The following SPATA6 variants were observed in gnomAD, a reference collection of about 807,000 sequenced individuals.
The protein encoded by SPATA6 is spermatogenesis-associated protein 6.
A neutral mutation model predicts 65.3 loss-of-function variants in SPATA6; 56 were observed. The observed-to-expected ratio is 0.86, with a 90% CI of 0.69 to 1.07. The LOEUF is 1.07. Ranked by LOEUF, SPATA6 falls within the 50% of genes least tolerant of loss-of-function variation. SPATA6 has a pLI of 0.00. For missense variants in SPATA6, 590 were observed against 594.8 expected, an observed-to-expected ratio of 0.99 and a Z score of 0.08; for synonymous variants, 199 against 213.2, an observed-to-expected ratio of 0.93 and a Z score of 0.58.
the SPATA6 span, among the ~76,000 whole-genome samples, chr1:48,279,216 A>G: frequency 6.6e-6 from 1 of 152,240 alleles, no homozygotes; most frequent in Non-Finnish European, 1.5e-5. Flanking sequence ...GGTATCAGCC[A>G]CTGCAAAAAC....
the SPATA6 span, among the ~76,000 whole-genome samples, chr1:48,277,249 G>A: frequency 2.8e-3 from 424 of 152,228 alleles, no homozygotes; most frequent in African/African-American, 8.6e-3. Context: ...CAGCGTGAGC[G>A]ATGCAGAAGA....
chr1:48,455,970 G>A (rs1018805600), intron 1 of SPATA6, among the ~76,000 whole-genome samples: 23 of 152,164 alleles, frequency 1.5e-4, no homozygotes, highest in Non-Finnish European at 2.2e-4. Context: ...TACCTAGCAA[G>A]GTGGTTGACT....
chr1:48,361,987 G>A (rs1646827525), intron 9 of SPATA6, among the ~76,000 whole-genome samples: 1 of 151,948 alleles, frequency 6.6e-6, no homozygotes, highest in African/African-American at 2.4e-5. Flanking sequence ...GATCAAGACT[G>A]AAGAAAAAAA....
intron 1 of SPATA6, among the ~76,000 whole-genome samples, chr1:48,467,537 A>G (rs1341968695): frequency 6.6e-6 from 1 of 152,158 alleles, no homozygotes; most frequent in Non-Finnish European, 1.5e-5. Flanking sequence ...GTATTATCCA[A>G]TAATAACCAT....
chr1:48,380,098 C>T (rs955311369), intron 9 of SPATA6, among the ~76,000 whole-genome samples: 6 of 152,274 alleles, frequency 3.9e-5, no homozygotes, highest in African/African-American at 9.6e-5. Flanking sequence ...GTGAGAATCT[C>T]GGGAAAGAAT....
intron 12 of SPATA6, among the ~76,000 whole-genome samples, chr1:48,300,364 T>A (rs1034794664): frequency 6.6e-6 from 1 of 152,070 alleles, no homozygotes; most frequent in African/African-American, 2.4e-5. Context: ...CAAACCAAGA[T>A]TATACTATGA....
At chr1:48,418,780 G>A (rs1405185474) in intron 3 of SPATA6, among the ~76,000 whole-genome samples, 3 of 130,116 alleles carry the variant, frequency 2.3e-5, no homozygotes, top group African/African-American at 7.9e-5. Flanking sequence ...AGGGAAGGAA[G>A]GAAGAAGGGA....
At chr1:48,398,013 T>C (rs1430966726) in intron 7 of SPATA6, among the ~76,000 whole-genome samples, 1 of 151,684 alleles carries the variant, frequency 6.6e-6, no homozygotes, top group African/African-American at 2.4e-5. Context: ...AATGTTACTA[T>C]TCCTTCAGAT....
At chr1:48,403,631 T>A (rs1318925750) in intron 6 of SPATA6, among the ~76,000 whole-genome samples, 171 bp downstream of exon 6, 1 of 152,150 alleles carries the variant, frequency 6.6e-6, no homozygotes, top group Non-Finnish European at 1.5e-5. Context: ...ATTCTCACAT[T>A]TACTAACATG....
chr1:48,368,868 G>A (rs938231790), intron 9 of SPATA6, among the ~76,000 whole-genome samples: 16 of 152,174 alleles, frequency 1.1e-4, no homozygotes, highest in African/African-American at 1.7e-4. Flanking sequence ...AAGGAGAGGC[G>A]TGCTGTTTTT....
Position 48,305,866 on chromosome 1 carries a change from G to C in SPATA6, c.1207C>G (p.Leu403Val). 3 of 1,611,304 alleles carry C rather than the reference G, an allele frequency of 1.9e-6. No homozygotes were observed. The highest frequency in any genetic ancestry group is 2.5e-6 in the Non-Finnish European group (3 of 1,178,520). Residue 403 changes from leucine (L) to valine (V), a missense_variant, in exon 12 of 13, where the codon CTA becomes GTA. Leu to Val is a conservative substitution (Grantham distance 32, BLOSUM62 1). Coordinates refer to ENST00000371847, the MANE Select transcript of SPATA6 (RefSeq NM_019073.4). ...HQRHLYDERD[L>V]EKDDELELKR... Reference sequence around the variant, plus strand: ...AGTTCCAGTTCATCATCTTTCTCTAGGTCTCTCTCATCCTGAAAAATTTTA... The same window carrying C: ...AGTTCCAGTTCATCATCTTTCTCTACGTCTCTCTCATCCTGAAAAATTTTA...
the SPATA6 span, among the ~76,000 whole-genome samples, chr1:48,270,739 C>T: frequency 6.7e-6 from 1 of 149,478 alleles, no homozygotes; most frequent in Non-Finnish European, 1.5e-5. Context: ...AAAAAAAAAC[C>T]ATCTTCCCAC....
At chr1:48,367,305 A>G (rs1486295221) in intron 9 of SPATA6, among the ~76,000 whole-genome samples, 1 of 152,152 alleles carries the variant, frequency 6.6e-6, no homozygotes, top group Non-Finnish European at 1.5e-5. Context: ...GTAGATGTCT[A>G]TTAGGTCTGC....
At chr1:48,377,472 C>G (rs1648052645) in intron 9 of SPATA6, among the ~76,000 whole-genome samples, 1 of 152,116 alleles carries the variant, frequency 6.6e-6, no homozygotes, top group African/African-American at 2.4e-5. Context: ...GCGTAAACTC[C>G]TATTCATCTT....
At chr1:48,317,534 G>C (rs879820310) in intron 11 of SPATA6, among the ~76,000 whole-genome samples, 1 of 152,046 alleles carries the variant, frequency 6.6e-6, no homozygotes, top group Non-Finnish European at 1.5e-5. Flanking sequence ...TTGTGGGGTG[G>C]GGGGAGAGGG....
At chr1:48,469,810 G>C (rs959880933) in intron 1 of SPATA6, among the ~76,000 whole-genome samples, 12 of 138,380 alleles carry the variant, frequency 8.7e-5, no homozygotes, top group Admixed American at 8.2e-4. Context: ...TTTTTTTTGT[G>C]GGGGGGGCGG....
At chr1:48,293,416 G>A (rs991266417), downstream of SPATA6, among the ~76,000 whole-genome samples, 22 of 152,078 alleles carry the variant, frequency 1.4e-4, no homozygotes, top group Admixed American at 1.0e-3. Context: ...CTATGCTGCC[G>A]CAGCTTCTTA....
intron 9 of SPATA6, among the ~76,000 whole-genome samples, chr1:48,370,727 G>A (rs937851614): frequency 6.6e-6 from 1 of 152,088 alleles, no homozygotes; most frequent in African/African-American, 2.4e-5. Context: ...GTACTTTATT[G>A]GTAAGAAAAT....
At chr1:48,312,302 TG>T (rs1645241954) in intron 11 of SPATA6, among the ~76,000 whole-genome samples, 4 of 152,160 alleles carry the variant, frequency 2.6e-5, no homozygotes, top group Admixed American at 2.6e-4. Context: ...GCAGCCTAAC[TG>T]GGAGGCACCC....
Sources: allele counts gnomAD v4.1 joint callset (sites outside exome capture counted in the v4.1 genomes callset), GRCh38; gene constraint gnomAD v4.1.1; transcripts MANE v1.5; gene names NCBI Gene and HGNC (gene_info 2026-07-23, HGNC 2026-07-21).